PSG3: variants seen among roughly 807,000 people sequenced by gnomAD.
The protein encoded by PSG3 is pregnancy specific beta-1-glycoprotein 3.
PSG3 carries 61 observed loss-of-function variants against 47.5 expected under a neutral mutation model. That is an observed-to-expected ratio of 1.28 (90% CI 1.05 to 1.59). PSG3 has a LOEUF of 1.59. Among genes scored for constraint, PSG3 ranks in the 40% most tolerant of loss-of-function variants. The probability of loss-of-function intolerance (pLI) is 0.00; values close to 1 mark genes in which losing one functional copy is unlikely to be tolerated. For missense variants in PSG3, 756 were observed against 524.0 expected, an observed-to-expected ratio of 1.44 and a Z score of -4.32; for synonymous variants, 263 against 198.4, an observed-to-expected ratio of 1.33 and a Z score of -2.74.
chr19:42,738,628 G>A, intron 2 of PSG3, 96 bp downstream of exon 2: 1 of 1,606,350 alleles, frequency 6.2e-7, no homozygotes, highest in Non-Finnish European at 8.5e-7. Context: ...ACATAATGCA[G>A]AGAGGGACAC....
At chr19:42,730,265 C>T (rs759054879) in intron 3 of PSG3, among the ~76,000 whole-genome samples, 1 of 152,184 alleles carries the variant, frequency 6.6e-6, no homozygotes, top group Non-Finnish European at 1.5e-5. Flanking sequence ...GAAGCACAGA[C>T]TTTCTCAAGT....
intron 2 of PSG3, among the ~76,000 whole-genome samples, chr19:42,737,691 A>G (rs1969589469): frequency 1.3e-5 from 2 of 152,178 alleles, no homozygotes; most frequent in Non-Finnish European, 2.9e-5. Context: ...GGAACCCAGT[A>G]AGCCCTCACT....
chr19:42,740,407 T>C lies in PSG3; in HGVS notation c.-23A>G. ...CATGGTCTCTGCTGCCTGCGTGTTC[T>C]CCTCTGTGGAGCTGAGCCTAGGATC... On this transcript the variant is annotated 5_prime_UTR_variant, in exon 1 of 7. Transcript: ENST00000327495. The C allele has an allele frequency of 6.2e-7, 1 of 1,613,986 alleles. No homozygotes were observed. The highest frequency in any genetic ancestry group is 8.5e-7 in the Non-Finnish European group (1 of 1,179,914).
intron 5 of PSG3, among the ~76,000 whole-genome samples, chr19:42,726,274 G>A (rs1969376673): frequency 6.6e-6 from 1 of 152,076 alleles, no homozygotes; most frequent in African/African-American, 2.4e-5. Context: ...ATTCAACATA[G>A]TATTGAAAGG....
intron 2 of PSG3, among the ~76,000 whole-genome samples, chr19:42,738,504 C>A (rs1380207897): frequency 6.6e-6 from 1 of 152,182 alleles, no homozygotes; most frequent in Admixed American, 6.5e-5. Context: ...ATCAGACTGT[C>A]CTTCCTCTGC....
At chr19:42,737,522 G>C (rs1347199417) in intron 2 of PSG3, among the ~76,000 whole-genome samples, 1 of 152,130 alleles carries the variant, frequency 6.6e-6, no homozygotes, top group Non-Finnish European at 1.5e-5. Context: ...AGATCTGAGG[G>C]GGAGGCCTGG....
chr19:42,740,311 C>T lies in PSG3; in HGVS notation c.64+10G>A, dbSNP rs779966116. On this transcript the variant is annotated intron_variant, in intron 1 of 6. Transcript: ENST00000327495. The stretch of plus-strand genomic sequence containing the variant: ...TCCTCCTGTCCTCTCCCAGGAAGTT[C>T]TCTCCTCACCTGTGAGCAGGAGCCC... The T allele has an allele frequency of 6.2e-7, 1 of 1,613,920 alleles. No homozygotes were observed.
rs112844266 is a variant in PSG3 at position 42,730,079 on chromosome 19, A to G, written c.710-23T>C. On this transcript the variant is annotated intron_variant, in intron 3 of 6. Coordinates refer to ENST00000327495, the MANE Select transcript of PSG3 (RefSeq NM_021016.4). ...TCGCTGTGTGGATAACAGAGAGAAG[A>G]TTGTCCTGTGTGGCACCTTTGATTC... The G allele has an allele frequency of 7.5e-3, 12,069 of 1,607,852 alleles. 764 individuals carry two copies. The African/African-American group carries it at 0.14, about 19-fold the overall frequency.
intron 2 of PSG3, among the ~76,000 whole-genome samples, chr19:42,737,405 T>A (rs1385434204): frequency 6.6e-6 from 1 of 152,116 alleles, no homozygotes; most frequent in Non-Finnish European, 1.5e-5. Flanking sequence ...TATGGTGGTG[T>A]AGGGTGTGAG....
chr19:42,724,684 G>A (rs1384578663), intron 5 of PSG3, among the ~76,000 whole-genome samples: 1 of 151,698 alleles, frequency 6.6e-6, no homozygotes. Context: ...CTACCTTCAT[G>A]CCTGCCCCAC....
At position 42,738,925 on chromosome 19, in the gene PSG3, G is replaced by T. The variant is rs1423979373; in HGVS notation, c.229C>A (p.His77Asn). Residue 77 changes from histidine to asparagine, a missense_variant, in exon 2 of 7, where the codon CAT becomes AAT. Physicochemically the swap from His to Asn is moderately conservative, Grantham distance 68 (BLOSUM62 1). Transcript: ENST00000327495. ...TCTACTACGTATGATGTAATGTAATGGTAGAGGTCCTTCATTTGCCCTTTG... is the reference window on the plus strand; with the variant it reads ...TCTACTACGTATGATGTAATGTAATTGTAGAGGTCCTTCATTTGCCCTTTG... The part of the protein sequence containing the change: ...WYKGQMKDLY[H>N]YITSYVVDGQ... 5 of 1,613,934 alleles carry T rather than the reference G, an allele frequency of 3.1e-6. No individual in the cohort carries two copies. The highest frequency in any genetic ancestry group is 4.2e-6 in the Non-Finnish European group (5 of 1,179,994).
At chr19:42,736,340 A>G (rs1268925745) in intron 2 of PSG3, among the ~76,000 whole-genome samples, 1 of 152,198 alleles carries the variant, frequency 6.6e-6, no homozygotes, top group East Asian at 1.9e-4. Context: ...GACCTCATCC[A>G]TACCTATGAC....
chr19:42,736,938 T>C (rs1411463164), intron 2 of PSG3, among the ~76,000 whole-genome samples: 4 of 151,824 alleles, frequency 2.6e-5, no homozygotes, highest in Non-Finnish European at 4.4e-5. Context: ...TCAGCCTAGT[T>C]AGAGGGAGTG....
At chr19:42,734,430 T>A (rs1033335235) in intron 2 of PSG3, among the ~76,000 whole-genome samples, 2 of 152,220 alleles carry the variant, frequency 1.3e-5, no homozygotes, top group Non-Finnish European at 2.9e-5. Flanking sequence ...GGATTTCCGA[T>A]GCTCAATTTG....
chr19:42,738,329 T>C (rs565274999), intron 2 of PSG3, among the ~76,000 whole-genome samples: 25 of 152,282 alleles, frequency 1.6e-4, no homozygotes, highest in South Asian at 8.3e-4. Flanking sequence ...TTTAGGGACA[T>C]GGTTCTGGGG....
intron 3 of PSG3, among the ~76,000 whole-genome samples, chr19:42,730,396 T>G (rs1423245694): frequency 6.6e-6 from 1 of 152,222 alleles, no homozygotes; most frequent in Non-Finnish European, 1.5e-5. Context: ...GTTCCTTACC[T>G]GGAATGTGCA....
At chr19:42,736,753 C>G (rs1039543803) in intron 2 of PSG3, among the ~76,000 whole-genome samples, 1 of 152,004 alleles carries the variant, frequency 6.6e-6, no homozygotes, top group African/African-American at 2.4e-5. Context: ...GTCAGCCTCA[C>G]AAAGGGAAAG....
chr19:42,736,689 T>G (rs1433511889), intron 2 of PSG3, among the ~76,000 whole-genome samples: 1 of 148,158 alleles, frequency 6.7e-6, no homozygotes, highest in Non-Finnish European at 1.5e-5. Context: ...TGTCTGGCAA[T>G]TATAAGAGTG....
At position 42,723,984 on chromosome 19, in the gene PSG3, A is replaced by G. The variant is rs779066923; in HGVS notation, c.1285T>C (p.Ter429GlnextTer3). Residue 429 changes from the stop codon to glutamine (Q), a stop_lost, in exon 6 of 7, where the codon TAG becomes CAG. Coordinates refer to ENST00000327495, the MANE Select transcript of PSG3 (RefSeq NM_021016.4). ...TGHLPGLNPL[*>Q] is the part of the protein sequence containing the mutation. ...ATACAGAAATGACATCACGGCTGCT[A>G]TAATGGATTAAGGCCAGGAAGATGT... The G allele has an allele frequency of 2.5e-6, 4 of 1,609,976 alleles. No homozygotes were observed. The highest frequency in any genetic ancestry group is 2.2e-5 in the East Asian group (1 of 44,862).
Sources: allele counts gnomAD v4.1 joint callset (sites outside exome capture counted in the v4.1 genomes callset), GRCh38; gene constraint gnomAD v4.1.1; transcripts MANE v1.5; gene names NCBI Gene and HGNC (gene_info 2026-07-23, HGNC 2026-07-21).